GYS2: variants seen among roughly 807,000 people sequenced by gnomAD.
GYS2 encodes glycogen synthase 2.
In GYS2, 80 loss-of-function variants were observed where a neutral mutation model predicts 85.6. The ratio of observed to expected loss-of-function variants is 0.93; its 90% CI spans 0.78 to 1.13. GYS2 has a LOEUF of 1.13. Among genes scored for constraint, GYS2 ranks in the 50% most tolerant of loss-of-function variants. The probability of loss-of-function intolerance (pLI) is 0.00; values close to 1 mark genes in which losing one functional copy is unlikely to be tolerated. For missense variants in GYS2, 881 were observed against 854.9 expected (o/e 1.03, Z -0.38); for synonymous variants, 328 against 300.7 (o/e 1.09, Z -0.94).
Position 21,546,472 on chromosome 12 carries a change from TA to T in GYS2, c.1423-3del. The T allele has an allele frequency of 6.3e-7, 1 of 1,584,898 alleles. No homozygotes were observed. Among genetic ancestry groups the T allele is most frequent in the Non-Finnish European group, 8.6e-7 (1 of 1,159,212 alleles). The stretch of plus-strand genomic sequence containing the variant: ...TAGAAACTCTGGGTGCAAAATCACC[TA>T]AAAAAGGAAAATTCTAATTTAAAAA... On this transcript the variant is annotated splice_polypyrimidine_tract_variant and splice_region_variant and intron_variant, in intron 11 of 15. Coordinates refer to ENST00000261195, the MANE Select transcript of GYS2 (RefSeq NM_021957.4).
At chr12:21,537,877 T>C (rs757254323) in intron 15 of GYS2, among the ~76,000 whole-genome samples, 3 of 152,208 alleles carry the variant, frequency 2.0e-5, no homozygotes, top group Non-Finnish European at 4.4e-5. Flanking sequence ...GGAGTGCATA[T>C]AATTGAATGG....
chr12:21,558,993 T>A, intron 10 of GYS2, 98 bp downstream of exon 10: 1 of 717,806 alleles, frequency 1.4e-6, no homozygotes. Flanking sequence ...GCCTCAGGTC[T>A]GAAAATGTTC....
chr12:21,555,482 T>C (rs2136867496), intron 11 of GYS2, among the ~76,000 whole-genome samples: 1 of 152,234 alleles, frequency 6.6e-6, no homozygotes, highest in East Asian at 1.9e-4. Context: ...AGGGGCCCCA[T>C]AGTCCTATAG....
chr12:21,534,829 A>G (rs992138114), downstream of GYS2, among the ~76,000 whole-genome samples: 9 of 152,164 alleles, frequency 5.9e-5, no homozygotes, highest in Non-Finnish European at 1.3e-4. Flanking sequence ...CCTGTCCTTC[A>G]ATTTATGAAT....
chr12:21,542,020 C>G (rs535346172), intron 13 of GYS2, among the ~76,000 whole-genome samples: 1 of 151,502 alleles, frequency 6.6e-6, no homozygotes, highest in Non-Finnish European at 1.5e-5. Context: ...GTCCATGTTG[C>G]TGCAAAGGAC....
chr12:21,599,102 G>C (rs1170572466), intron 1 of GYS2, among the ~76,000 whole-genome samples: 2 of 149,414 alleles, frequency 1.3e-5, no homozygotes, highest in East Asian at 3.9e-4. Flanking sequence ...ATCTCTCTCT[G>C]TCTCTCTCTC....
chr12:21,560,602 G>A (rs1463597952), intron 7 of GYS2, 110 bp from the exon 8 acceptor site: 1 of 713,326 alleles, frequency 1.4e-6, no homozygotes, highest in African/African-American at 1.8e-5. Context: ...GTAGATAAAA[G>A]GTATAGTTAT....
intron 2 of GYS2, 140 bp from the exon 3 acceptor site, chr12:21,576,197 A>G: frequency 2.8e-6 from 2 of 707,338 alleles, no homozygotes; most frequent in South Asian, 1.6e-5. Flanking sequence ...TATTGATAAC[A>G]TATAGCCTCT....
intron 2 of GYS2, among the ~76,000 whole-genome samples, chr12:21,577,586 T>A (rs567134757): frequency 2.0e-5 from 3 of 152,318 alleles, no homozygotes; most frequent in South Asian, 2.1e-4. Flanking sequence ...TTCTATCACA[T>A]TTCTAACATT....
chr12:21,549,913 G>A (rs528398962), intron 11 of GYS2, among the ~76,000 whole-genome samples: 12 of 152,140 alleles, frequency 7.9e-5, no homozygotes, highest in African/African-American at 2.9e-4. Context: ...CAGTTATTTC[G>A]AAGCTGTGTA....
Position 21,536,912 on chromosome 12 carries a change from T to G in GYS2, c.*42A>C. On this transcript the variant is annotated 3_prime_UTR_variant, in exon 16 of 16. Transcript: ENST00000261195. ...TTTTATTTTAAATAATTAGTCTTAC[T>G]TTGCTTTTTTAAATTAGCTCTTCAT... 7.4e-7 allele frequency: 1 copy of G among 1,344,042 alleles called. No individual in the cohort carries two copies. Among genetic ancestry groups the G allele is most frequent in the Non-Finnish European group, 1.1e-6 (1 of 934,922 alleles). 83.3% of individuals were successfully genotyped at this position (1,344,042 alleles called of 1,614,324 possible).
At position 21,575,962 on chromosome 12, in the gene GYS2, G is replaced by T; in HGVS notation, c.399C>A (p.Asp133Glu). 2.5e-6 allele frequency: 4 copies of T among 1,613,690 alleles called. No individual in the cohort carries two copies. Among genetic ancestry groups the T allele is most frequent in the Non-Finnish European group, 3.4e-6 (4 of 1,179,680 alleles). ...TGCCGACACTGCATGCTTCCCAGAG[G>T]TCACCCTTCCACCTGTCCAGATTCC... ...SAWNLDRWKG[D>E]LWEACSVGIP... The change falls in exon 3 of 16, where the codon GAC (aspartate) becomes GAA (glutamate). Residue 133 changes from aspartate (D) to glutamate (E), a missense_variant. Asp to Glu is a conservative substitution (Grantham distance 45). Coordinates refer to ENST00000261195, the MANE Select transcript of GYS2 (RefSeq NM_021957.4).
chr12:21,537,247 T>C, intron 15 of GYS2, 72 bp from the exon 16 acceptor site: 1 of 1,021,762 alleles, frequency 9.8e-7, no homozygotes, highest in Non-Finnish European at 1.5e-6. Flanking sequence ...ATACTATGCA[T>C]GCACTATCAA....
In GYS2 at chr12:21,563,244, G is replaced by C. The variant is rs267603422; in HGVS notation, c.925C>G (p.Arg309Gly). 3 of 1,600,642 alleles carry C rather than the reference G, an allele frequency of 1.9e-6. No homozygotes were observed. Among genetic ancestry groups the C allele is most frequent in the South Asian group, 1.1e-5 (1 of 90,790 alleles). ...MYKARIQDFV[R>G]GHFYGHLDFD... ...AAATCATACCCATAGAAATGACCTC[G>C]AACAAAATCTTGGATTCTGGCCTTG... The change falls in exon 6 of 16, where the codon CGA (arginine) becomes GGA (glycine). Residue 309 changes from arginine to glycine, a missense_variant. Arg to Gly is a moderately radical substitution (Grantham distance 125). Coordinates refer to ENST00000261195, the MANE Select transcript of GYS2 (RefSeq NM_021957.4).
intron 1 of GYS2, among the ~76,000 whole-genome samples, chr12:21,591,688 T>C (rs975222319): frequency 1.3e-5 from 2 of 152,106 alleles, no homozygotes; most frequent in African/African-American, 2.4e-5. Flanking sequence ...CACAGCACAT[T>C]ATAGTCAAAC....
chr12:21,539,147 T>C, intron 15 of GYS2, 111 bp downstream of exon 15: 1 of 709,810 alleles, frequency 1.4e-6, no homozygotes. Context: ...TGATTCAACA[T>C]TATGAAAAAG....
chr12:21,540,976 A>G (rs1350574358), intron 13 of GYS2, among the ~76,000 whole-genome samples: 1 of 151,986 alleles, frequency 6.6e-6, no homozygotes, highest in Non-Finnish European at 1.5e-5. Context: ...TACACCCATA[A>G]AAGACTGAGG....
Position 21,540,562 on chromosome 12 carries a change from C to T in GYS2, c.1657G>A (p.Val553Ile), listed in dbSNP as rs186184722. Reference protein sequence around the residue: ...ADPTAYGIYIVDRRFRSPDDS... With the variant: ...ADPTAYGIYIIDRRFRSPDDS... The stretch of plus-strand genomic sequence containing the variant: ...TCTGGAGAACGGAACCGCCTGTCAA[C>T]GATGTAAATACCTGAAGAACACAAA... The change falls in exon 14 of 16, where the codon GTT (valine) becomes ATT (isoleucine). Residue 553 changes from valine (V) to isoleucine (I), a missense_variant. Physicochemically the swap from Val to Ile is conservative, Grantham distance 29 (BLOSUM62 3). Coordinates refer to ENST00000261195, the MANE Select transcript of GYS2 (RefSeq NM_021957.4). 2.0e-5 allele frequency: 33 copies of T among 1,613,732 alleles called. No homozygotes were observed. The highest frequency in any genetic ancestry group is 1.0e-4 in the Admixed American group (6 of 60,000).
chr12:21,578,853 T>C (rs559028622), intron 2 of GYS2, among the ~76,000 whole-genome samples: 13 of 152,274 alleles, frequency 8.5e-5, no homozygotes, highest in African/African-American at 2.9e-4. Flanking sequence ...TGCTAGGTAT[T>C]TCCTTTTTGC....
Sources: allele counts gnomAD v4.1 joint callset (sites outside exome capture counted in the v4.1 genomes callset), GRCh38; gene constraint gnomAD v4.1.1; transcripts MANE v1.5; gene names NCBI Gene and HGNC (gene_info 2026-07-23, HGNC 2026-07-21).